FAR2: variants seen among roughly 807,000 people sequenced by gnomAD.
FAR2 encodes the protein fatty acyl-CoA reductase 2, also known as epididymis secretory protein Li 81.
A neutral mutation model predicts 56.0 loss-of-function variants in FAR2; 19 were observed. The observed-to-expected ratio is 0.34, with a 90% CI of 0.24 to 0.50. The LOEUF (loss-of-function observed/expected upper bound fraction) is 0.50. FAR2 is among the 20% of genes least tolerant of loss of function. The pLI, the probability that FAR2 is intolerant of heterozygous loss-of-function variation, is 0.98. For synonymous variants in FAR2, 219 were observed against 218.8 expected, an observed-to-expected ratio of 1.00 and a Z score of -0.01; for missense variants, 508 against 642.2, an observed-to-expected ratio of 0.79 and a Z score of 2.26.
intron 4 of FAR2, 30 bp downstream of exon 4, chr12:29,297,230 G>A (rs758652765): frequency 1.3e-6 from 2 of 1,582,390 alleles, no homozygotes; most frequent in Non-Finnish European, 1.7e-6. Context: ...GGATCAAGGG[G>A]CGGGTAGAAT....
intron 2 of FAR2, among the ~76,000 whole-genome samples, chr12:29,285,110 G>A (rs1185057389): frequency 6.6e-6 from 1 of 152,096 alleles, no homozygotes; most frequent in African/African-American, 2.4e-5. Context: ...CAAAGTGCTG[G>A]GATTACAGGC....
intron 4 of FAR2, 81 bp downstream of exon 4, chr12:29,297,281 AGAT>A (rs1949087793): frequency 7.5e-7 from 1 of 1,339,980 alleles, no homozygotes; most frequent in East Asian, 2.4e-5. Context: ...GCTATTAATG[AGAT>A]GATGAAGTCA....
chr12:29,281,491 G>A (rs1366390901), intron 2 of FAR2: 1 of 152,152 alleles, frequency 6.6e-6, no homozygotes, highest in Non-Finnish European at 1.5e-5. Context: ...CACCTCTGAA[G>A]TGGCTGTTAA....
At chr12:29,315,102 A>C (rs1949423993) in intron 8 of FAR2, among the ~76,000 whole-genome samples, 1 of 152,204 alleles carries the variant, frequency 6.6e-6, no homozygotes, top group South Asian at 2.1e-4. Flanking sequence ...AACAGACTAA[A>C]GAAGTAAATA....
intron 1 of FAR2, among the ~76,000 whole-genome samples, chr12:29,177,256 A>G (rs757193820): frequency 8.5e-5 from 13 of 152,204 alleles, no homozygotes; most frequent in African/African-American, 3.1e-4. Context: ...ATTCCAGTCT[A>G]TTCCAGCTGC....
At chr12:29,190,565 A>T (rs1159305639) in intron 1 of FAR2, among the ~76,000 whole-genome samples, 1 of 152,038 alleles carries the variant, frequency 6.6e-6, no homozygotes, top group Non-Finnish European at 1.5e-5. Context: ...CCCGGGTTAG[A>T]GGGATTCTCC....
chr12:29,231,320 A>G (rs978941044), intron 1 of FAR2, among the ~76,000 whole-genome samples: 1 of 152,206 alleles, frequency 6.6e-6, no homozygotes, highest in Non-Finnish European at 1.5e-5. Context: ...TAGTGGGTCA[A>G]TATGGAGGTG....
intron 1 of FAR2, among the ~76,000 whole-genome samples, chr12:29,266,181 C>T (rs1330728023): frequency 5.9e-5 from 9 of 152,128 alleles, no homozygotes; most frequent in Non-Finnish European, 1.2e-4. Flanking sequence ...GAAAGGAAAT[C>T]AGTGTATCAA....
At chr12:29,159,114 T>C (rs1003569611) in intron 1 of FAR2, among the ~76,000 whole-genome samples, 7 of 152,228 alleles carry the variant, frequency 4.6e-5, no homozygotes, top group African/African-American at 1.7e-4. Context: ...GTTTGTGCAA[T>C]TTTTCAGTAA....
At chr12:29,216,645 T>C (rs548849774) in intron 1 of FAR2, among the ~76,000 whole-genome samples, 31 of 152,204 alleles carry the variant, frequency 2.0e-4, no homozygotes, top group African/African-American at 7.2e-4. Context: ...CTGCAGCTAA[T>C]AAGAAACAGC....
chr12:29,324,275 G>C (rs1203488938), intron 10 of FAR2, among the ~76,000 whole-genome samples: 3 of 152,198 alleles, frequency 2.0e-5, no homozygotes, highest in African/African-American at 7.2e-5. Flanking sequence ...CGTCTGATTG[G>C]TGTACCTGAA....
chr12:29,169,950 A>T (rs565218525), intron 1 of FAR2, among the ~76,000 whole-genome samples: 1 of 152,312 alleles, frequency 6.6e-6, no homozygotes, highest in South Asian at 2.1e-4. Flanking sequence ...TAAGATTAGA[A>T]GTTAGGATAA....
intron 1 of FAR2, among the ~76,000 whole-genome samples, chr12:29,214,243 A>G (rs566396085): frequency 8.9e-4 from 136 of 152,208 alleles, no homozygotes; most frequent in Non-Finnish European, 1.7e-3. Flanking sequence ...TGCTGATTAA[A>G]TGTTGATGCA....
intron 1 of FAR2, among the ~76,000 whole-genome samples, chr12:29,238,219 T>A (rs556074721): frequency 6.3e-4 from 95 of 151,956 alleles, no homozygotes; most frequent in African/African-American, 2.3e-3. Context: ...AGGCCAGATT[T>A]TTTTCCTGCA....
intron 2 of FAR2, 174 bp from the exon 3 acceptor site, chr12:29,293,126 C>T: frequency 2.1e-6 from 1 of 466,456 alleles, no homozygotes; most frequent in East Asian, 3.8e-5. Flanking sequence ...TTTGGCTTCC[C>T]AAAGTGCTGA....
chr12:29,307,588 T>C, intron 4 of FAR2, 70 bp from the exon 5 acceptor site: 4 of 1,437,232 alleles, frequency 2.8e-6, no homozygotes, highest in Non-Finnish European at 1.9e-6. Flanking sequence ...TGTTTGATTG[T>C]GTCTCACATT....
At chr12:29,209,535 T>C (rs1373297697) in intron 1 of FAR2, among the ~76,000 whole-genome samples, 1 of 152,202 alleles carries the variant, frequency 6.6e-6, no homozygotes, top group Non-Finnish European at 1.5e-5. Flanking sequence ...GGGAAGAAGT[T>C]ACTGCTGGCC....
At chr12:29,231,134 G>A (rs1407658654) in intron 1 of FAR2, among the ~76,000 whole-genome samples, 1 of 152,212 alleles carries the variant, frequency 6.6e-6, no homozygotes, top group Non-Finnish European at 1.5e-5. Context: ...ACTGGCTGCA[G>A]TCTGGCAACG....
intron 9 of FAR2, among the ~76,000 whole-genome samples, chr12:29,318,424 A>G (rs920169120): frequency 2.6e-5 from 4 of 152,368 alleles, no homozygotes; most frequent in African/African-American, 7.2e-5. Context: ...ATAAAGAACA[A>G]AGTTCAGTTA....
Sources: allele counts gnomAD v4.1 joint callset (sites outside exome capture counted in the v4.1 genomes callset), GRCh38; gene constraint gnomAD v4.1.1; transcripts MANE v1.5; gene names NCBI Gene and HGNC (gene_info 2026-07-23, HGNC 2026-07-21).